The following CPNE2 variants were observed in gnomAD, a reference collection of about 807,000 sequenced individuals.
CPNE2 encodes copine-2.
CPNE2 carries 42 observed loss-of-function variants against 69.7 expected under a neutral mutation model. The ratio of observed to expected loss-of-function variants is 0.60; its 90% CI spans 0.47 to 0.78. CPNE2 has a LOEUF of 0.78. Among genes scored for constraint, CPNE2 ranks in the 30% least tolerant of loss-of-function variants. CPNE2 has a pLI of 0.00. For missense variants in CPNE2, 587 were observed against 732.0 expected (o/e 0.80, Z 2.29); for synonymous variants, 294 against 289.8 (o/e 1.01, Z -0.15).
intron 1 of CPNE2, among the ~76,000 whole-genome samples, chr16:57,100,249 G>C (rs1371014773): frequency 6.6e-6 from 1 of 152,206 alleles, no homozygotes; most frequent in Non-Finnish European, 1.5e-5. Flanking sequence ...AAATCACTAA[G>C]TGAAGAAGGG....
chr16:57,123,935 T>C (rs2069781398), intron 10 of CPNE2: 1 of 189,412 alleles, frequency 5.3e-6, no homozygotes, highest in African/African-American at 2.3e-5. Flanking sequence ...CCTGAAACAC[T>C]TCCCCAGAAC....
At chr16:57,143,145 G>C (rs1331033697) in intron 14 of CPNE2, 2 of 152,282 alleles carry the variant, frequency 1.3e-5, no homozygotes, top group African/African-American at 2.4e-5. Context: ...ATCTGTCCTG[G>C]GGGTAGGGCT....
intron 2 of CPNE2, among the ~76,000 whole-genome samples, chr16:57,111,448 G>C (rs973083514): frequency 2.6e-5 from 4 of 152,298 alleles, no homozygotes; most frequent in Middle Eastern, 3.4e-3. Context: ...AAAGTGCTGG[G>C]ATTACAGGCA....
intron 15 of CPNE2, 62 bp from the exon 16 acceptor site, chr16:57,147,489 C>A: frequency 7.9e-7 from 1 of 1,272,684 alleles, no homozygotes; most frequent in Non-Finnish European, 1.1e-6. Context: ...GTGCCGCTCA[C>A]AACTTCCGGT....
intron 5 of CPNE2, among the ~76,000 whole-genome samples, chr16:57,118,852 C>G (rs1318252616): frequency 1.3e-5 from 2 of 152,200 alleles, no homozygotes; most frequent in Non-Finnish European, 2.9e-5. Context: ...TGCTGGGAGC[C>G]TCACCCTACC....
At chr16:57,119,527 G>A (rs1277025641) in intron 6 of CPNE2, 34 bp from the exon 7 acceptor site, 1 of 1,574,614 alleles carries the variant, frequency 6.4e-7, no homozygotes. Context: ...GCTGCCCAGG[G>A]CCTGAGCTCA....
At chr16:57,115,581 C>G (rs200813420) in intron 4 of CPNE2, 31 bp downstream of exon 4, 130 of 1,519,960 alleles carry the variant, frequency 8.6e-5, no homozygotes, top group South Asian at 3.2e-4. Context: ...CTCCGCACCC[C>G]CTCCATCCCC....
chr16:57,128,857 G>GT (rs1167333930), intron 12 of CPNE2, among the ~76,000 whole-genome samples: 1 of 152,160 alleles, frequency 6.6e-6, no homozygotes, highest in Non-Finnish European at 1.5e-5. Flanking sequence ...AGAACATGCA[G>GT]TTTTTTGTTT....
intron 2 of CPNE2, chr16:57,112,985 C>T (rs58650540): frequency 0.034 from 9,132 of 268,832 alleles, 417 homozygotes; most frequent in East Asian, 0.19. Context: ...GGCCTGAGCT[C>T]TTACCCTGGC....
intron 14 of CPNE2, among the ~76,000 whole-genome samples, chr16:57,138,211 C>T (rs1225102003): frequency 5.9e-5 from 9 of 152,216 alleles, no homozygotes; most frequent in Admixed American, 2.6e-4. Context: ...GCCCCCACCC[C>T]TTTCTCATCT....
chr16:57,145,292 A>G (rs1482433348), intron 14 of CPNE2, among the ~76,000 whole-genome samples: 2 of 152,180 alleles, frequency 1.3e-5, no homozygotes, highest in East Asian at 3.8e-4. Flanking sequence ...CAAATGTTAG[A>G]GAGACGTGAA....
rs1292270554 is a variant in CPNE2 at position 57,123,474 on chromosome 16, G to A, written c.927+1G>A. The A allele has an allele frequency of 3.1e-6, 5 of 1,613,024 alleles. No homozygotes were observed. The highest frequency in any genetic ancestry group is 4.2e-6 in the Non-Finnish European group (5 of 1,179,982). ...GGGAGGCTGCCAGCTCATGTTCACC[G>A]TAAGGCTCTCCCCGCTGGCTCCCTC... On this transcript the variant is annotated splice_donor_variant, in intron 10 of 15. Coordinates refer to ENST00000290776, the MANE Select transcript of CPNE2 (RefSeq NM_152727.6). LOFTEE classifies it high-confidence loss of function.
chr16:57,148,089 T>A lies in CPNE2; in HGVS notation c.*431T>A, dbSNP rs555268864. 6.5e-6 allele frequency: 1 copy of A among 154,606 alleles called. No homozygotes were observed. Among genetic ancestry groups the A allele is most frequent in the South Asian group, 2.1e-4 (1 of 4,850 alleles). 9.6% of individuals were successfully genotyped at this position (154,606 alleles called of 1,614,324 possible). Reference sequence around the variant, plus strand: ...TTTTTAATACTGTGACTGTGTTCTATTTGTTATATGCTCAGGGTAACAAAT... The same window carrying A: ...TTTTTAATACTGTGACTGTGTTCTAATTGTTATATGCTCAGGGTAACAAAT... On this transcript the variant is annotated 3_prime_UTR_variant, in exon 16 of 16. Transcript: ENST00000290776.
chr16:57,146,207 G>A lies in CPNE2; in HGVS notation c.1425G>A (p.Ala475=), dbSNP rs545305941. 4.1e-5 allele frequency: 65 copies of A among 1,568,766 alleles called. No homozygotes were observed. The highest frequency in any genetic ancestry group is 2.6e-4 in the Admixed American group (14 of 53,218). The change falls in exon 15 of 16, where the codon GCG becomes GCA. Residue 475 remains alanine, a synonymous_variant. Coordinates refer to ENST00000290776, the MANE Select transcript of CPNE2 (RefSeq NM_152727.6). This position sits in a 1 kb window ranked among gnomAD's most constrained non-coding sequence, Gnocchi z 4.4. The part of the protein sequence containing the change: ...MSIIIVGVGN[A]DFAAMEFLDG... ...TCATCATCGTGGGCGTGGGCAATGC[G>A]GACTTCGCTGCCATGGAGTTCCTGG...
At chr16:57,144,679 G>C (rs1306794842) in intron 14 of CPNE2, 1 of 152,316 alleles carries the variant, frequency 6.6e-6, no homozygotes, top group Non-Finnish European at 1.5e-5. Context: ...TGGGCGCGGT[G>C]GCTCACGTCT....
At position 57,113,601 on chromosome 16, in the gene CPNE2, C is replaced by T. The variant is rs2069696271; in HGVS notation, c.360+134C>T. 3.1e-6 allele frequency: 3 copies of T among 953,996 alleles called. No individual in the cohort carries two copies. The South Asian group carries it at 5.2e-5, about 16-fold the overall frequency. The allele number at this position is 953,996 out of a possible 1,614,324, so 59.1% of individuals were successfully genotyped here. On this transcript the variant is annotated intron_variant, in intron 3 of 15. Transcript: ENST00000290776. ...CAAAGTGCAGATGCAGAGTGGGGAACAGTCTTGGCGGGTTCAAGGCCGGGC... is the reference window on the plus strand; with the variant it reads ...CAAAGTGCAGATGCAGAGTGGGGAATAGTCTTGGCGGGTTCAAGGCCGGGC...
intron 12 of CPNE2, among the ~76,000 whole-genome samples, chr16:57,133,355 T>C (rs2145273326): frequency 6.6e-6 from 1 of 152,230 alleles, no homozygotes; most frequent in Admixed American, 6.5e-5. Flanking sequence ...TCCCCTGGGC[T>C]GCCAGGGAGG....
chr16:57,131,215 G>T (rs1419049303), intron 12 of CPNE2, among the ~76,000 whole-genome samples: 1 of 152,262 alleles, frequency 6.6e-6, no homozygotes, highest in Non-Finnish European at 1.5e-5. Flanking sequence ...TGTGAGGCCA[G>T]AGAGCTCCTA....
intron 9 of CPNE2, 104 bp downstream of exon 9, chr16:57,121,864 C>T (rs1175817438): frequency 1.9e-6 from 2 of 1,054,874 alleles, no homozygotes; most frequent in East Asian, 2.4e-5. Flanking sequence ...GTGTTCAAAT[C>T]CCGGCTCTGC....
Sources: allele counts gnomAD v4.1 joint callset (sites outside exome capture counted in the v4.1 genomes callset), GRCh38; gene constraint gnomAD v4.1.1; non-coding constraint Gnocchi (gnomAD v3.1); transcripts MANE v1.5; gene names NCBI Gene and HGNC (gene_info 2026-07-23, HGNC 2026-07-21).